WDPCP: variants seen among roughly 807,000 people sequenced by gnomAD.
WDPCP encodes the protein WD repeat containing planar cell polarity effector.
Under a neutral mutation model 93.1 loss-of-function variants are expected in WDPCP, and 71 were observed. The observed-to-expected ratio is 0.76, with a 90% CI of 0.63 to 0.93. The LOEUF is 0.93. WDPCP is among the 40% of genes least tolerant of loss of function. WDPCP has a pLI of 0.00. For missense variants in WDPCP, 844 were observed against 887.4 expected, an observed-to-expected ratio of 0.95 and a Z score of 0.62; for synonymous variants, 315 against 315.0, an observed-to-expected ratio of 1.00 and a Z score of 0.00.
Position 63,208,837 on chromosome 2 carries a change from T to C in WDPCP, c.1916-34005A>G, listed in dbSNP as rs1031237429. On this transcript the variant is annotated intron_variant, in intron 14 of 17. Coordinates refer to ENST00000272321, the MANE Select transcript of WDPCP (RefSeq NM_015910.7). ...TCTGTATTTATACTGAAAATCAAGA[T>C]CAAGTCAGCTTTTGCCCTTCTGCTC... Among the ~76,000 whole-genome samples the C allele has an allele frequency of 2.0e-5, 3 of 152,198 alleles. No individual in the cohort carries two copies. The South Asian group carries it at 6.2e-4, about 32-fold the overall frequency.
rs558283795 is a variant in WDPCP, at chr2:63,307,097, AACAG to A, written c.1812+6147_1812+6150del. On this transcript the variant is annotated intron_variant, in intron 13 of 17. Transcript: ENST00000272321. ...ATCACAAGCATTCTTATACACCAAT[AACAG>A]ACAGAGAGCTAAATCATGAGTGAAC... 2.1e-3 allele frequency among the ~76,000 whole-genome samples: 318 copies of A among 152,202 alleles called. 2 individuals are homozygous for A. Among genetic ancestry groups the A allele is most frequent in the African/African-American group, 7.2e-3 (298 of 41,556 alleles).
intron 2 of WDPCP, among the ~76,000 whole-genome samples, chr2:63,665,765 A>T (rs932420834): frequency 6.6e-6 from 1 of 152,242 alleles, no homozygotes; most frequent in Non-Finnish European, 1.5e-5. Context: ...AGAAGTTGAC[A>T]TGGAGGAAGG....
chr2:63,686,348 G>A (rs749456019), intron 2 of WDPCP, among the ~76,000 whole-genome samples: 1 of 152,114 alleles, frequency 6.6e-6, no homozygotes, highest in Non-Finnish European at 1.5e-5. Flanking sequence ...GTTTATGATA[G>A]CTACAAATAA....
chr2:63,391,714 C>CA (rs1693266189), intron 10 of WDPCP, among the ~76,000 whole-genome samples: 1 of 152,100 alleles, frequency 6.6e-6, no homozygotes, highest in Admixed American at 6.6e-5. Context: ...AATCAATGTG[C>CA]AAAAATCACA....
intron 12 of WDPCP, among the ~76,000 whole-genome samples, chr2:63,315,023 G>A (rs373910170): frequency 5.3e-5 from 8 of 152,102 alleles, no homozygotes; most frequent in African/African-American, 1.9e-4. Flanking sequence ...TGGCAGCATG[G>A]TGAAACAGAA....
At chr2:63,275,703 A>G (rs1683030129) in intron 13 of WDPCP, among the ~76,000 whole-genome samples, 1 of 152,196 alleles carries the variant, frequency 6.6e-6, no homozygotes, top group African/African-American at 2.4e-5. Flanking sequence ...GTATGAGGAA[A>G]ATGAAATAAC....
chr2:63,706,863 G>T (rs536885799), intron 2 of WDPCP, among the ~76,000 whole-genome samples: 21 of 151,826 alleles, frequency 1.4e-4, no homozygotes, highest in African/African-American at 4.8e-4. Context: ...TGATCCACCC[G>T]CCTCGGCCTC....
At chr2:63,515,694 T>C (rs1028287389) in intron 1 of WDPCP, among the ~76,000 whole-genome samples, 3 of 152,330 alleles carry the variant, frequency 2.0e-5, no homozygotes, top group East Asian at 1.9e-4. Context: ...CTACTATGTG[T>C]TGAATGCTTT....
At chr2:63,730,170 C>T (rs992808625) in intron 2 of WDPCP, among the ~76,000 whole-genome samples, 2 of 151,826 alleles carry the variant, frequency 1.3e-5, no homozygotes, top group Admixed American at 1.3e-4. Flanking sequence ...GCAATCTTCA[C>T]AAGGACCTTA....
At chr2:63,457,071 A>G (rs890811340) in intron 6 of WDPCP, among the ~76,000 whole-genome samples, 2 of 152,224 alleles carry the variant, frequency 1.3e-5, no homozygotes, top group African/African-American at 4.8e-5. Flanking sequence ...GACAAACAAA[A>G]TGGATAAACT....
chr2:63,535,319 T>G (rs575912226), intron 1 of WDPCP, among the ~76,000 whole-genome samples: 1 of 152,316 alleles, frequency 6.6e-6, no homozygotes, highest in South Asian at 2.1e-4. Flanking sequence ...GCCATCCCCA[T>G]CAAGCTACCA....
chr2:63,789,408 A>G (rs1021251598), intron 2 of WDPCP, among the ~76,000 whole-genome samples: 6 of 152,176 alleles, frequency 3.9e-5, no homozygotes, highest in Non-Finnish European at 5.9e-5. Flanking sequence ...CTGGCAAATT[A>G]GGTATTTGTT....
chr2:63,537,785 TAC>T (rs1340969585), intron 1 of WDPCP, among the ~76,000 whole-genome samples: 1 of 152,200 alleles, frequency 6.6e-6, no homozygotes, highest in Non-Finnish European at 1.5e-5. Context: ...AACATCATCT[TAC>T]ACACTTAAGA....
At chr2:63,562,800 G>A (rs1175052380) in intron 1 of WDPCP, among the ~76,000 whole-genome samples, 1 of 152,180 alleles carries the variant, frequency 6.6e-6, no homozygotes, top group Non-Finnish European at 1.5e-5. Flanking sequence ...AAATGTCCCA[G>A]ATTTGGCCAC....
At chr2:63,376,356 A>T (rs1439331056) in intron 12 of WDPCP, among the ~76,000 whole-genome samples, 1 of 151,994 alleles carries the variant, frequency 6.6e-6, no homozygotes, top group African/African-American at 2.4e-5. Flanking sequence ...TGATAACAAT[A>T]ATAGTGACCT....
chr2:63,215,265 T>G (rs1677216887), intron 14 of WDPCP, among the ~76,000 whole-genome samples: 1 of 152,016 alleles, frequency 6.6e-6, no homozygotes, highest in Non-Finnish European at 1.5e-5. Context: ...TATAGACCAA[T>G]GGATCAGAAC....
intron 12 of WDPCP, 52 bp from the exon 13 acceptor site, chr2:63,313,363 GAA>G: frequency 6.6e-7 from 1 of 1,515,932 alleles, no homozygotes; most frequent in Non-Finnish European, 9.1e-7. Flanking sequence ...ATATATAAAA[GAA>G]AAGAGCTGTT....
At position 63,154,080 on chromosome 2, in the gene WDPCP, A is replaced by T. The variant is rs139411187; in HGVS notation, c.2079-506T>A. 1.3e-3 allele frequency among the ~76,000 whole-genome samples: 197 copies of T among 152,108 alleles called. 2 individuals are homozygous for T. The highest frequency in any genetic ancestry group is 4.4e-3 in the African/African-American group (183 of 41,560). On this transcript the variant is annotated intron_variant, in intron 15 of 17. Transcript: ENST00000272321. ...CACTACTTATTATTATGTATCTTTT[A>T]AAAAAATAAAACTGAGATAATGTGG...
At chr2:63,651,230 A>C (rs1272974020) in intron 2 of WDPCP, among the ~76,000 whole-genome samples, 2 of 152,138 alleles carry the variant, frequency 1.3e-5, no homozygotes, top group Non-Finnish European at 2.9e-5. Context: ...TGAATTTCTT[A>C]ATTATAGCAG....
Sources: allele counts gnomAD v4.1 joint callset (sites outside exome capture counted in the v4.1 genomes callset), GRCh38; gene constraint gnomAD v4.1.1; transcripts MANE v1.5; gene names NCBI Gene and HGNC (gene_info 2026-07-23, HGNC 2026-07-21).